Variants in JPH3 observed in about 807,000 individuals in gnomAD.
The protein encoded by JPH3 is junctophilin 3.
A neutral mutation model predicts 59.6 loss-of-function variants in JPH3; 11 were observed. The ratio of observed to expected loss-of-function variants is 0.18; its 90% CI spans 0.12 to 0.31. JPH3 has a LOEUF of 0.31. Ranked by LOEUF, JPH3 falls within the 10% of genes least tolerant of loss-of-function variation. JPH3 has a pLI of 1.00. For missense variants in JPH3, 1,202 were observed against 1,105.7 expected (o/e 1.09, Z -1.24); for synonymous variants, 673 against 483.6 (o/e 1.39, Z -5.14).
In JPH3 at chr16:87,689,770, G is replaced by C; in HGVS notation, c.1410G>C (p.Leu470=). The change falls in exon 4 of 5, where the codon CTG becomes CTC. Residue 470 remains leucine, a synonymous_variant. Transcript: ENST00000284262. ...LYRKGTTPSD[L]TPDDSPLQSF... ...GCAAGGGCACCACTCCCTCCGACCT[G>C]ACCCCCGACGACAGCCCCCTGCAGA... The C allele has an allele frequency of 6.2e-7, 1 of 1,610,046 alleles. No homozygotes were observed. Among genetic ancestry groups the C allele is most frequent in the Middle Eastern group, 1.7e-4 (1 of 6,052 alleles).
chr16:87,613,021 G>A (rs919856751), intron 1 of JPH3, among the ~76,000 whole-genome samples: 5 of 150,554 alleles, frequency 3.3e-5, no homozygotes, highest in South Asian at 2.1e-4. Flanking sequence ...GTGAGACTCC[G>A]TCTCAAAAAA....
At chr16:87,635,919 G>A (rs1262750584) in intron 1 of JPH3, among the ~76,000 whole-genome samples, 6 of 152,232 alleles carry the variant, frequency 3.9e-5, no homozygotes, top group Non-Finnish European at 7.3e-5. Context: ...AAGGAAGCAG[G>A]GCACCCTGCG....
chr16:87,641,350 G>A (rs2031944126), intron 1 of JPH3, among the ~76,000 whole-genome samples: 3 of 152,332 alleles, frequency 2.0e-5, no homozygotes, highest in South Asian at 2.1e-4. Flanking sequence ...TGCTTCTGAT[G>A]TTGATGGCAG....
chr16:87,677,940 G>A (rs999381736), intron 2 of JPH3, among the ~76,000 whole-genome samples: 6 of 152,322 alleles, frequency 3.9e-5, no homozygotes, highest in East Asian at 1.9e-4. Context: ...GAAAAGTCAC[G>A]AAGGAACTGA....
chr16:87,652,258 A>G (rs958862406), intron 2 of JPH3, among the ~76,000 whole-genome samples: 1 of 152,156 alleles, frequency 6.6e-6, no homozygotes, highest in African/African-American at 2.4e-5. Flanking sequence ...TACAGGCGTG[A>G]GCCACCGCGC....
At chr16:87,677,225 CAAAAAAAA>C (rs59575544) in intron 2 of JPH3, among the ~76,000 whole-genome samples, 1,367 of 81,674 alleles carry the variant, frequency 0.017, 30 homozygotes, top group South Asian at 0.024. Context: ...CACACACACA[CAAAAAAAA>C]AAATTAGCCG....
intron 1 of JPH3, among the ~76,000 whole-genome samples, chr16:87,640,826 G>C (rs146906115): frequency 6.6e-6 from 1 of 152,232 alleles, no homozygotes; most frequent in South Asian, 2.1e-4. Context: ...GCCCTGGCAC[G>C]GAAGGGGCAG....
chr16:87,622,449 C>G (rs978000702), intron 1 of JPH3, among the ~76,000 whole-genome samples: 2 of 151,732 alleles, frequency 1.3e-5, no homozygotes, highest in African/African-American at 4.8e-5. Context: ...CAGTGACTAC[C>G]AGGTGCTGTG....
chr16:87,608,488 G>C (rs866658889), intron 1 of JPH3, among the ~76,000 whole-genome samples: 23 of 152,340 alleles, frequency 1.5e-4, no homozygotes, highest in Middle Eastern at 6.8e-3. Context: ...AGGCCATGCG[G>C]TGGATGGAGC....
chr16:87,603,584 C>T, intron 1 of JPH3, 56 bp downstream of exon 1: 1 of 1,514,980 alleles, frequency 6.6e-7, no homozygotes, highest in Non-Finnish European at 8.9e-7. Flanking sequence ...TCCGATCGCG[C>T]CCCTTCTGTG....
At chr16:87,651,961 A>G (rs913399146) in intron 2 of JPH3, among the ~76,000 whole-genome samples, 1 of 151,314 alleles carries the variant, frequency 6.6e-6, no homozygotes, top group African/African-American at 2.4e-5. Context: ...GATGCAGCCA[A>G]CATTGTTGTC....
At chr16:87,608,138 C>G (rs538796680) in intron 1 of JPH3, among the ~76,000 whole-genome samples, 18 of 152,338 alleles carry the variant, frequency 1.2e-4, no homozygotes, top group African/African-American at 4.1e-4. Context: ...GCAGCCCCAG[C>G]TGACACAGAG....
At chr16:87,649,657 A>G (rs2032267398) in intron 2 of JPH3, among the ~76,000 whole-genome samples, 1 of 152,194 alleles carries the variant, frequency 6.6e-6, no homozygotes, top group Non-Finnish European at 1.5e-5. Context: ...CGCCGTGGAA[A>G]CCAAATAAAA....
chr16:87,604,012 G>A (rs769873390), intron 1 of JPH3: 22 of 903,374 alleles, frequency 2.4e-5, no homozygotes, highest in Non-Finnish European at 2.9e-5. Context: ...CCCAAGCCGA[G>A]AGAAAGGGAG....
rs375217477 is a variant in JPH3, at chr16:87,696,478, G to A, written c.2167-102G>A. On this transcript the variant is annotated intron_variant, in intron 4 of 4. Coordinates refer to ENST00000284262, the MANE Select transcript of JPH3 (RefSeq NM_020655.4). ...CATCCTCCCGTACGCTTCCACCCCCGAGGGTCTGCTAGCTTGGTGAAAAGA... is the reference window on the plus strand; with the variant it reads ...CATCCTCCCGTACGCTTCCACCCCCAAGGGTCTGCTAGCTTGGTGAAAAGA... The A allele has an allele frequency of 1.2e-4, 113 of 938,258 alleles. No individual in the cohort carries two copies. In the South Asian group the frequency reaches 1.2e-3, roughly 10 times the overall value. The allele number at this position is 938,258 out of a possible 1,614,324, so 58.1% of individuals were successfully genotyped here. A position where few individuals can be genotyped will look rare whatever the true frequency, so the allele number is the denominator to read the frequency against.
At chr16:87,644,216 C>T (rs771535321) in intron 1 of JPH3, 42 bp from the exon 2 acceptor site, 4 of 1,557,830 alleles carry the variant, frequency 2.6e-6, no homozygotes, top group South Asian at 1.2e-5. Context: ...GTGCCCCCTC[C>T]TCTGTCGCTG....
chr16:87,696,683 T>C lies in JPH3; in HGVS notation c.*23T>C, dbSNP rs770776135. Reference sequence around the variant, plus strand: ...TGATGAGATGTCGCGGTAGCAAAAATAGAGAAAGGGTAGAAAAAAGGGACA... The same window carrying C: ...TGATGAGATGTCGCGGTAGCAAAAACAGAGAAAGGGTAGAAAAAAGGGACA... On this transcript the variant is annotated 3_prime_UTR_variant, in exon 5 of 5. Transcript: ENST00000284262. The C allele has an allele frequency of 3.2e-6, 5 of 1,585,994 alleles. No individual in the cohort carries two copies. The highest frequency in any genetic ancestry group is 4.3e-6 in the Non-Finnish European group (5 of 1,155,550).
intron 1 of JPH3, among the ~76,000 whole-genome samples, chr16:87,638,184 G>A (rs575468479): frequency 6.6e-6 from 1 of 152,262 alleles, no homozygotes; most frequent in South Asian, 2.1e-4. Flanking sequence ...CTCCCAAAGT[G>A]CTGAGATTAT....
chr16:87,641,641 C>T (rs1340874114), intron 1 of JPH3, among the ~76,000 whole-genome samples: 2 of 152,244 alleles, frequency 1.3e-5, no homozygotes, highest in African/African-American at 4.8e-5. Flanking sequence ...GGAGAAGCTG[C>T]CCTCAGAGGC....
Sources: gnomAD v4.1 joint callset for allele counts (sites outside exome capture counted in the v4.1 genomes callset) on GRCh38, gnomAD v4.1.1 for gene constraint, MANE v1.5 for transcripts, NCBI Gene and HGNC (gene_info 2026-07-23, HGNC 2026-07-21) for gene names.